ROR2: variants seen among roughly 807,000 people sequenced by gnomAD.
ROR2 encodes ROR family WNT receptor 2.
In ROR2, 33 loss-of-function variants were observed where a neutral mutation model predicts 74.9. That is an observed-to-expected ratio of 0.44 (90% confidence interval 0.33 to 0.59). The LOEUF (loss-of-function observed/expected upper bound fraction) is 0.59. Ranked by LOEUF, ROR2 falls within the 20% of genes least tolerant of loss-of-function variation. ROR2 has a pLI of 0.02. For missense variants in ROR2, 1,216 were observed against 1,313.8 expected, an observed-to-expected ratio of 0.93 and a Z score of 1.15; for synonymous variants, 586 against 558.7, an observed-to-expected ratio of 1.05 and a Z score of -0.69.
At chr9:91,947,813 CA>C (rs1418197763) in intron 1 of ROR2, among the ~76,000 whole-genome samples, 1 of 152,152 alleles carries the variant, frequency 6.6e-6, no homozygotes, top group Non-Finnish European at 1.5e-5. Flanking sequence ...AAAACACACT[CA>C]AATAACAGGG....
intron 1 of ROR2, among the ~76,000 whole-genome samples, chr9:91,871,842 C>T (rs537325219): frequency 1.8e-4 from 27 of 152,276 alleles, no homozygotes; most frequent in African/African-American, 6.3e-4. Flanking sequence ...TCGAGAGACC[C>T]CCCCAGCACC....
At chr9:91,898,004 C>T (rs74856945) in intron 1 of ROR2, among the ~76,000 whole-genome samples, 2,241 of 152,244 alleles carry the variant, frequency 0.015, 58 homozygotes, top group African/African-American at 0.051. Context: ...CACCCACAGG[C>T]TCCATCCTGA....
chr9:91,800,612 C>T (rs1469362724), intron 1 of ROR2, among the ~76,000 whole-genome samples: 3 of 152,098 alleles, frequency 2.0e-5, no homozygotes, highest in Non-Finnish European at 4.4e-5. Flanking sequence ...AATGTTAACA[C>T]AAAACTGAGG....
intron 1 of ROR2, 123 bp from the exon 2 acceptor site, chr9:91,775,941 G>C (rs1023603867): frequency 1.4e-5 from 11 of 779,668 alleles, no homozygotes; most frequent in Non-Finnish European, 2.5e-5. Context: ...AAAACACAGA[G>C]GGATAAGACA....
At chr9:91,880,934 G>A (rs1214141487) in intron 1 of ROR2, among the ~76,000 whole-genome samples, 1 of 152,174 alleles carries the variant, frequency 6.6e-6, no homozygotes, top group Non-Finnish European at 1.5e-5. Context: ...TCTGATGGTG[G>A]TCATGCATCT....
chr9:91,836,364 AC>A (rs1828610192), intron 1 of ROR2, among the ~76,000 whole-genome samples: 1 of 151,850 alleles, frequency 6.6e-6, no homozygotes, highest in African/African-American at 2.4e-5. Context: ...ACATGGTGAA[AC>A]CCCCTTTCTA....
chr9:91,820,311 G>C (rs763588760), intron 1 of ROR2, among the ~76,000 whole-genome samples: 1 of 152,176 alleles, frequency 6.6e-6, no homozygotes. Context: ...TCCCACGGCA[G>C]GATGCCCTCT....
At chr9:91,784,952 T>C (rs978796091) in intron 1 of ROR2, among the ~76,000 whole-genome samples, 1 of 152,208 alleles carries the variant, frequency 6.6e-6, no homozygotes, top group Non-Finnish European at 1.5e-5. Flanking sequence ...AAGAGCAGCA[T>C]GCAAGTTGCT....
chr9:91,803,560 C>T (rs1827457904), intron 1 of ROR2, among the ~76,000 whole-genome samples: 1 of 151,966 alleles, frequency 6.6e-6, no homozygotes, highest in Non-Finnish European at 1.5e-5. Flanking sequence ...TTTTAAAAAC[C>T]ATGCAAACTA....
intron 1 of ROR2, among the ~76,000 whole-genome samples, chr9:91,879,403 T>A (rs917899109): frequency 2.6e-5 from 4 of 151,972 alleles, no homozygotes; most frequent in Non-Finnish European, 4.4e-5. Flanking sequence ...TTATTTATTT[T>A]CTGAGTGGGA....
intron 1 of ROR2, among the ~76,000 whole-genome samples, chr9:91,892,860 G>A (rs1830456329): frequency 6.6e-6 from 1 of 152,106 alleles, no homozygotes; most frequent in Admixed American, 6.5e-5. Context: ...AAAGTGCTGG[G>A]AATACAGGCG....
intron 2 of ROR2, among the ~76,000 whole-genome samples, chr9:91,764,368 T>A (rs6479372): frequency 0.027 from 4,060 of 152,234 alleles, 168 homozygotes; most frequent in African/African-American, 0.092. Context: ...TGAGTTTTAT[T>A]TTTAATATTT....
chr9:91,788,665 G>A (rs544680896), intron 1 of ROR2, among the ~76,000 whole-genome samples: 2 of 152,168 alleles, frequency 1.3e-5, no homozygotes, highest in East Asian at 3.9e-4. Context: ...AGGAGTTCAA[G>A]ACCAGCCTGG....
chr9:91,897,997 C>A lies in ROR2; in HGVS notation c.97+51870G>T, dbSNP rs1175896189. The stretch of plus-strand genomic sequence containing the variant: ...GGAGAAGGAGCACCAGACGGGCCAC[C>A]CACAGGCTCCATCCTGACCTTGCCA... On this transcript the variant is annotated intron_variant, in intron 1 of 8. Coordinates refer to ENST00000375708, the MANE Select transcript of ROR2 (RefSeq NM_004560.4). Among the ~76,000 whole-genome samples, 5 of 152,092 alleles carry A rather than the reference C, an allele frequency of 3.3e-5. No individual in the cohort carries two copies. In the South Asian group the frequency reaches 8.3e-4, roughly 25 times the overall value.
Position 91,780,100 on chromosome 9 carries a change from T to C in ROR2, c.98-4282A>G, listed in dbSNP as rs112766207. 7.2e-5 allele frequency among the ~76,000 whole-genome samples: 11 copies of C among 152,272 alleles called. 2 individuals are homozygous for C. The highest frequency in any genetic ancestry group is 2.6e-4 in the African/African-American group (11 of 41,566). ...GTGCAGATTCTGAAGAATTAGAAAT[T>C]ATATAACCAGGCCAGGCACAGTGGC... On this transcript the variant is annotated intron_variant, in intron 1 of 8. Coordinates refer to ENST00000375708, the MANE Select transcript of ROR2 (RefSeq NM_004560.4).
At chr9:91,845,104 C>A (rs1224905070) in intron 1 of ROR2, among the ~76,000 whole-genome samples, 1 of 152,070 alleles carries the variant, frequency 6.6e-6, no homozygotes, top group South Asian at 2.1e-4. Flanking sequence ...CCACCCTACG[C>A]CCAAGGTGTA....
chr9:91,885,328 G>A (rs1295876509), intron 1 of ROR2, among the ~76,000 whole-genome samples: 1 of 152,208 alleles, frequency 6.6e-6, no homozygotes, highest in Non-Finnish European at 1.5e-5. Context: ...CGGTAGGGCA[G>A]GGTGTGGAGG....
At chr9:91,774,533 G>C (rs35725000) in intron 2 of ROR2, among the ~76,000 whole-genome samples, 1 of 152,164 alleles carries the variant, frequency 6.6e-6, no homozygotes, top group East Asian at 1.9e-4. Context: ...ACCGGGATTC[G>C]GTCTAGGTCC....
chr9:91,832,091 G>T (rs1017336032), intron 1 of ROR2, among the ~76,000 whole-genome samples: 11 of 152,098 alleles, frequency 7.2e-5, no homozygotes, highest in Non-Finnish European at 1.2e-4. Flanking sequence ...TGTAGAGCAG[G>T]ATGAGGAATG....
Sources: allele counts gnomAD v4.1 joint callset (sites outside exome capture counted in the v4.1 genomes callset), GRCh38; gene constraint gnomAD v4.1.1; transcripts MANE v1.5; gene names NCBI Gene and HGNC (gene_info 2026-07-23, HGNC 2026-07-21).